Variants in SHANK2 observed in about 807,000 individuals in gnomAD.
SHANK2 encodes the protein SH3 and multiple ankyrin repeat domains 2, also known as SH3 and multiple ankyrin repeat domains protein 2.
SHANK2 carries 43 observed loss-of-function variants against 133.7 expected under a neutral mutation model. That is an observed-to-expected ratio of 0.32 (90% confidence interval 0.25 to 0.41). The LOEUF is 0.41. SHANK2 is among the 10% of genes least tolerant of loss of function. The pLI is 1.00. For synonymous variants in SHANK2, 1,017 were observed against 952.8 expected (o/e 1.07, Z -1.24); for missense variants, 1,994 against 2,235.8 (o/e 0.89, Z 2.18).
At chr11:71,075,326 C>T (rs1186397265) in intron 8 of SHANK2, 51 bp from the exon 9 acceptor site, 5 of 163,214 alleles carry the variant, frequency 3.1e-5, no homozygotes, top group South Asian at 1.7e-4. Flanking sequence ...CCACGACAGC[C>T]GCATGCACAC....
rs2059040723 is a variant in SHANK2 at position 70,500,886 on chromosome 11, T to G, written c.2288-296A>C. On this transcript the variant is annotated intron_variant, in intron 20 of 25. Transcript: ENST00000601538. The surrounding 1 kb of genome is among the most constrained non-coding windows in gnomAD (Gnocchi z 4.5). ...AGCACCCCTTGTCCCACCAGCACCC[T>G]GCCAAAGTAGGGAGGAGTTCTCAGA... is the stretch of plus-strand genomic sequence containing the variant. The G allele has an allele frequency of 1.5e-6, 1 of 647,614 alleles. No homozygotes were observed. Among genetic ancestry groups the G allele is most frequent in the East Asian group, 2.9e-5 (1 of 34,664 alleles). 40.1% of individuals were successfully genotyped at this position (647,614 alleles called of 1,614,324 possible). A position where few individuals can be genotyped will look rare whatever the true frequency, so the allele number is the denominator to read the frequency against.
chr11:71,098,143 G>A (rs1396095442), intron 6 of SHANK2, among the ~76,000 whole-genome samples: 3 of 151,070 alleles, frequency 2.0e-5, no homozygotes, highest in Non-Finnish European at 4.4e-5. Flanking sequence ...ATGCCTGTGT[G>A]CATGCATGCC....
intron 17 of SHANK2, among the ~76,000 whole-genome samples, chr11:70,655,238 A>AT (rs2061392523): frequency 1.3e-5 from 2 of 152,210 alleles, no homozygotes; most frequent in South Asian, 4.1e-4. Flanking sequence ...ACAAAAAAGT[A>AT]TTTGCTAATT....
At chr11:70,790,965 C>T (rs1377078478) in intron 14 of SHANK2, among the ~76,000 whole-genome samples, 1 of 152,138 alleles carries the variant, frequency 6.6e-6, no homozygotes, top group Non-Finnish European at 1.5e-5. Context: ...GACCAGGCCA[C>T]AGAATGGAAG....
chr11:70,811,502 C>T (rs1251523261), intron 12 of SHANK2, among the ~76,000 whole-genome samples: 1 of 152,048 alleles, frequency 6.6e-6, no homozygotes, highest in East Asian at 1.9e-4. Flanking sequence ...CCTCCTTGCC[C>T]AAATACCTGT....
intron 11 of SHANK2, chr11:70,863,517 C>G (rs534815973): frequency 2.2e-6 from 1 of 457,994 alleles, no homozygotes; most frequent in South Asian, 1.5e-5. Context: ...ACTCGCCCAC[C>G]TGCTCCCATG....
intron 14 of SHANK2, among the ~76,000 whole-genome samples, chr11:70,782,779 C>T (rs942067008): frequency 2.6e-5 from 4 of 152,334 alleles, no homozygotes; most frequent in Middle Eastern, 6.8e-3. Context: ...GAAAGGTGCT[C>T]GGCCTCAGAA....
At chr11:71,232,521 TTCTCCTCCTCCTCCTCTTTCCCCCCTCC>T (rs1235280995) in intron 1 of SHANK2, among the ~76,000 whole-genome samples, 2 of 151,784 alleles carry the variant, frequency 1.3e-5, no homozygotes, top group Non-Finnish European at 2.9e-5. Flanking sequence ...GACCAACCCC[TTCTCCTCCTCCTCCTCTTTCCCCCCTCC>T]TCTCCTCCTC....
chr11:70,685,302 C>T lies in SHANK2; in HGVS notation c.1853+13386G>A, dbSNP rs535634837. On this transcript the variant is annotated intron_variant, in intron 15 of 25. Coordinates refer to ENST00000601538, the MANE Select transcript of SHANK2 (RefSeq NM_012309.5). The stretch of plus-strand genomic sequence containing the variant: ...CCGCCCAGAAAAGAGCTGCCATCTT[C>T]CTGGCTCCTCCCCTTCACTCATCTT... Among the ~76,000 whole-genome samples, 5 of 152,312 alleles carry T rather than the reference C, an allele frequency of 3.3e-5. No homozygotes were observed. The South Asian group carries it at 1.0e-3, about 32-fold the overall frequency.
Position 70,615,486 on chromosome 11 carries a change from G to A in SHANK2, c.2061+44342C>T, listed in dbSNP as rs1344977665. Among the ~76,000 whole-genome samples, 4 of 152,108 alleles carry A rather than the reference G, an allele frequency of 2.6e-5. No individual in the cohort carries two copies. The South Asian group carries it at 8.3e-4, about 32-fold the overall frequency. On this transcript the variant is annotated intron_variant, in intron 17 of 25. Transcript: ENST00000601538. ...AACACTTTAGTCCAAAAGTCATATG[G>A]CCCCGGGGTATAAAACCCAGGAGGA...
chr11:70,480,164 T>G (rs1555151164), intron 25 of SHANK2, among the ~76,000 whole-genome samples: 1 of 152,226 alleles, frequency 6.6e-6, no homozygotes, highest in Non-Finnish European at 1.5e-5. Context: ...CCAGCCCTCC[T>G]CATCTGGCCA....
rs1555070632 is a variant in SHANK2 at position 70,873,566 on chromosome 11, CTT to C, written c.1174+22933_1174+22934del. ...GCTGCCACACACCCTTTCGGGGCTT[CTT>C]CAGGAGAGACGTTCCACAGTCCCAT... is the stretch of plus-strand genomic sequence containing the variant. On this transcript the variant is annotated intron_variant, in intron 11 of 25. Coordinates refer to ENST00000601538, the MANE Select transcript of SHANK2 (RefSeq NM_012309.5). Among the ~76,000 whole-genome samples the C allele has an allele frequency of 9.8e-5, 15 of 152,334 alleles. No individual in the cohort carries two copies. The East Asian group carries it at 2.7e-3, about 28-fold the overall frequency.
chr11:70,799,091 T>C (rs1947987009), intron 13 of SHANK2, among the ~76,000 whole-genome samples: 2 of 151,990 alleles, frequency 1.3e-5, no homozygotes, highest in African/African-American at 4.8e-5. Context: ...TAAACAAGCG[T>C]GCGGAAGGAG....
At chr11:70,858,586 C>T (rs1273068924) in intron 11 of SHANK2, among the ~76,000 whole-genome samples, 1 of 152,236 alleles carries the variant, frequency 6.6e-6, no homozygotes, top group Non-Finnish European at 1.5e-5. Flanking sequence ...CTGCTTCCTT[C>T]CTTGCTAAAG....
At chr11:71,201,371 T>TGCTGCCCACC (rs1299757372) in intron 2 of SHANK2, among the ~76,000 whole-genome samples, 1 of 152,220 alleles carries the variant, frequency 6.6e-6, no homozygotes, top group South Asian at 2.1e-4. Flanking sequence ...AGGAGAGCTG[T>TGCTGCCCACC]GCTGCCCACC....
chr11:70,760,111 G>C (rs1946960932), intron 14 of SHANK2, among the ~76,000 whole-genome samples: 3 of 152,222 alleles, frequency 2.0e-5, no homozygotes, highest in Admixed American at 2.0e-4. Flanking sequence ...GCCTTTAAAT[G>C]TGAAGCCTCC....
At chr11:71,084,260 C>T (rs1300291306) in intron 8 of SHANK2, among the ~76,000 whole-genome samples, 1 of 152,272 alleles carries the variant, frequency 6.6e-6, no homozygotes, top group Admixed American at 6.5e-5. Flanking sequence ...CATAAGCCAC[C>T]GCACCCGGCC....
chr11:71,122,463 A>G (rs1490271415), intron 3 of SHANK2, among the ~76,000 whole-genome samples: 1 of 152,158 alleles, frequency 6.6e-6, no homozygotes, highest in Non-Finnish European at 1.5e-5. Flanking sequence ...ACTTGGACAC[A>G]GGGCAGGGGA....
chr11:70,853,559 C>T (rs782614433), intron 11 of SHANK2, among the ~76,000 whole-genome samples: 4 of 152,192 alleles, frequency 2.6e-5, no homozygotes, highest in Non-Finnish European at 5.9e-5. Context: ...CTCCTCCCAA[C>T]AGCTCCACCA....
Sources: allele counts gnomAD v4.1 joint callset (sites outside exome capture counted in the v4.1 genomes callset), GRCh38; gene constraint gnomAD v4.1.1; non-coding constraint Gnocchi (gnomAD v3.1); transcripts MANE v1.5; gene names NCBI Gene and HGNC (gene_info 2026-07-23, HGNC 2026-07-21).